Variants in PHLDB2 observed in about 807,000 individuals in gnomAD.
PHLDB2 encodes pleckstrin homology-like domain family B member 2.
PHLDB2 carries 71 observed loss-of-function variants against 123.6 expected under a neutral mutation model. The ratio of observed to expected loss-of-function variants is 0.57; its 90% CI spans 0.47 to 0.70. The LOEUF is 0.70. PHLDB2 is among the 30% of genes least tolerant of loss of function. The pLI, the probability that PHLDB2 is intolerant of heterozygous loss-of-function variation, is 0.00. For missense variants in PHLDB2, 1,446 were observed against 1,519.5 expected, an observed-to-expected ratio of 0.95 and a Z score of 0.80; for synonymous variants, 547 against 541.6, an observed-to-expected ratio of 1.01 and a Z score of -0.14.
chr3:111,864,543 A>G (rs996812882), intron 1 of PHLDB2, among the ~76,000 whole-genome samples: 1 of 152,228 alleles, frequency 6.6e-6, no homozygotes, highest in African/African-American at 2.4e-5. Context: ...TTTGTGCTGT[A>G]TCTGCTTTAA....
chr3:111,824,819 A>G (rs1194281241), intron 1 of PHLDB2, among the ~76,000 whole-genome samples: 1 of 152,212 alleles, frequency 6.6e-6, no homozygotes, highest in Non-Finnish European at 1.5e-5. Flanking sequence ...ACTTCGTTGG[A>G]CATTTTAAAG....
At chr3:111,948,589 C>T (rs1352945314) in intron 9 of PHLDB2, among the ~76,000 whole-genome samples, 1 of 152,088 alleles carries the variant, frequency 6.6e-6, no homozygotes, top group East Asian at 1.9e-4. Context: ...TCTTGGTGTG[C>T]TATTACTTTA....
intron 5 of PHLDB2, 79 bp downstream of exon 5, chr3:111,920,498 C>A: frequency 6.6e-7 from 1 of 1,515,062 alleles, no homozygotes; most frequent in Non-Finnish European, 8.9e-7. Context: ...ATGTTGAATG[C>A]ATTACTGGGG....
intron 1 of PHLDB2, among the ~76,000 whole-genome samples, chr3:111,810,277 A>G (rs962135532): frequency 1.4e-4 from 21 of 152,180 alleles, no homozygotes; most frequent in African/African-American, 5.1e-4. Flanking sequence ...GTGTGTTTTC[A>G]TGTCCATTTC....
At chr3:111,832,259 A>G (rs1038185907) in intron 1 of PHLDB2, among the ~76,000 whole-genome samples, 1 of 152,106 alleles carries the variant, frequency 6.6e-6, no homozygotes, top group Non-Finnish European at 1.5e-5. Flanking sequence ...GTTAATCTAT[A>G]TCTAATCAGT....
intron 13 of PHLDB2, among the ~76,000 whole-genome samples, chr3:111,963,619 A>G (rs755038225): frequency 2.0e-5 from 3 of 152,222 alleles, no homozygotes; most frequent in African/African-American, 7.2e-5. Context: ...CAAAAAGTGA[A>G]GGGCAAATGT....
At position 111,973,793 on chromosome 3, in the gene PHLDB2, T is replaced by C. The variant is rs1382324841; in HGVS notation, c.3597T>C (p.Tyr1199=). Residue 1199 remains tyrosine, a synonymous_variant, in exon 17 of 18, where the codon TAT becomes TAC. Transcript: ENST00000431670. The part of the protein sequence containing the change: ...IYFQAIEEVY[Y]DHLKNANKSP... ...TTCAAGCCATTGAAGAAGTCTATTA[T>C]GATCACCTCAAGAATGCTAATAAGG... The C allele has an allele frequency of 1.3e-6, 2 of 1,597,328 alleles. No individual in the cohort carries two copies. Among genetic ancestry groups the C allele is most frequent in the Non-Finnish European group, 1.7e-6 (2 of 1,167,448 alleles).
chr3:111,777,262 G>A (rs890726225), intron 1 of PHLDB2, among the ~76,000 whole-genome samples: 1 of 151,976 alleles, frequency 6.6e-6, no homozygotes, highest in African/African-American at 2.4e-5. Context: ...TAATGAAACA[G>A]GTATCTATCT....
At chr3:111,819,585 A>G (rs2062269200) in intron 1 of PHLDB2, among the ~76,000 whole-genome samples, 1 of 152,216 alleles carries the variant, frequency 6.6e-6, no homozygotes, top group Non-Finnish European at 1.5e-5. Context: ...GAGAATTTGT[A>G]CAACAGAGAA....
chr3:111,887,293 G>A (rs2066227944), intron 2 of PHLDB2, among the ~76,000 whole-genome samples: 1 of 152,124 alleles, frequency 6.6e-6, no homozygotes, highest in Admixed American at 6.6e-5. Context: ...TAAATATGAA[G>A]TTATATATTT....
chr3:111,796,639 T>C (rs1292761699), intron 1 of PHLDB2, among the ~76,000 whole-genome samples: 2 of 152,108 alleles, frequency 1.3e-5, no homozygotes, highest in Admixed American at 6.5e-5. Flanking sequence ...ATTCAAGCGA[T>C]TTTTGTGCCT....
At chr3:111,877,378 A>G (rs962642698) in intron 1 of PHLDB2, among the ~76,000 whole-genome samples, 1 of 152,162 alleles carries the variant, frequency 6.6e-6, no homozygotes, top group Non-Finnish European at 1.5e-5. Flanking sequence ...TCTTTTGAGA[A>G]GTGTCTGTTC....
intron 5 of PHLDB2, among the ~76,000 whole-genome samples, chr3:111,931,845 G>T (rs1034329067): frequency 6.6e-6 from 1 of 152,172 alleles, no homozygotes; most frequent in Non-Finnish European, 1.5e-5. Context: ...AGCGAGTTAG[G>T]CTATGACAGT....
intron 1 of PHLDB2, among the ~76,000 whole-genome samples, chr3:111,841,355 A>G (rs189396440): frequency 1.3e-5 from 2 of 152,266 alleles, no homozygotes; most frequent in East Asian, 3.9e-4. Context: ...GGAGGGGGGA[A>G]CTGTAAAGGA....
At chr3:111,873,384 C>T (rs1042163321) in intron 1 of PHLDB2, among the ~76,000 whole-genome samples, 1 of 152,132 alleles carries the variant, frequency 6.6e-6, no homozygotes, top group African/African-American at 2.4e-5. Context: ...CAAATAAAGA[C>T]GGGACAGAGC....
At chr3:111,800,841 A>C (rs778591163) in intron 1 of PHLDB2, among the ~76,000 whole-genome samples, 1 of 152,200 alleles carries the variant, frequency 6.6e-6, no homozygotes, top group African/African-American at 2.4e-5. Context: ...ACACAAAAGA[A>C]AGCTTACTAA....
chr3:111,886,073 G>C (rs1036607918), intron 2 of PHLDB2, among the ~76,000 whole-genome samples: 1 of 152,144 alleles, frequency 6.6e-6, no homozygotes, highest in Non-Finnish European at 1.5e-5. Flanking sequence ...CATCCCTTGA[G>C]AGTCTCACCA....
At chr3:111,831,005 G>GA (rs375939649) in intron 1 of PHLDB2, among the ~76,000 whole-genome samples, 5 of 92,850 alleles carry the variant, frequency 5.4e-5, no homozygotes, top group African/African-American at 1.2e-4. Flanking sequence ...AAGAAAGAAA[G>GA]AAAGAAAGAA....
chr3:111,957,575 A>T (rs1451048755), intron 12 of PHLDB2: 2 of 152,240 alleles, frequency 1.3e-5, no homozygotes. Context: ...AATAGAGGGT[A>T]TTGTGATGTA....
Sources: allele counts gnomAD v4.1 joint callset (sites outside exome capture counted in the v4.1 genomes callset), GRCh38; gene constraint gnomAD v4.1.1; transcripts MANE v1.5; gene names NCBI Gene and HGNC (gene_info 2026-07-23, HGNC 2026-07-21).